Variants in ZFC3H1 observed in about 807,000 individuals in gnomAD.
The protein encoded by ZFC3H1 is zinc finger C3H1 domain-containing protein.
Under a neutral mutation model 243.7 loss-of-function variants are expected in ZFC3H1, and 71 were observed. That is an observed-to-expected ratio of 0.29 (90% CI 0.24 to 0.36). The LOEUF is 0.36. ZFC3H1 is among the 10% of genes least tolerant of loss of function. ZFC3H1 has a pLI of 1.00. For synonymous variants in ZFC3H1, 838 were observed against 813.0 expected (o/e 1.03, Z -0.52); for missense variants, 1,966 against 2,317.1 (o/e 0.85, Z 3.11).
chr12:71,642,037 A>T (rs1880613653), intron 6 of ZFC3H1, among the ~76,000 whole-genome samples: 1 of 152,108 alleles, frequency 6.6e-6, no homozygotes, highest in Non-Finnish European at 1.5e-5. Context: ...TTTAGTAGAG[A>T]CAGGGTTTCG....
intron 27 of ZFC3H1, among the ~76,000 whole-genome samples, chr12:71,615,941 G>A (rs1396999509): frequency 2.6e-5 from 4 of 152,086 alleles, no homozygotes; most frequent in African/African-American, 9.7e-5. Context: ...AAGAACAAAT[G>A]AGTCTACCAA....
rs977875711 is a variant in ZFC3H1, at chr12:71,663,339, T to A, written c.272A>T (p.His91Leu). 8 of 1,613,140 alleles carry A rather than the reference T, an allele frequency of 5.0e-6. No homozygotes were observed. The highest frequency in any genetic ancestry group is 1.7e-5 in the Admixed American group (1 of 60,020). ...QQLRNFSRSR[H>L]ASERGHLRGP... ...CCTGAGGTGGCCCCGCTCAGACGCG[T>A]GCCGCGAGCGTGAGAAATTCCTCAG... is the stretch of plus-strand genomic sequence containing the variant. The change falls in exon 1 of 35, where the codon CAC (histidine) becomes CTC (leucine). Residue 91 changes from histidine to leucine, a missense_variant. His to Leu is a moderately conservative substitution (Grantham distance 99). Around this residue, in one of 4 missense-constraint regions of ZFC3H1, gnomAD observed 484 missense variants for 449.7 expected, o/e 1.08. Transcript: ENST00000378743.
chr12:71,636,742 C>G, intron 8 of ZFC3H1, 88 bp from the exon 9 acceptor site: 4 of 1,552,912 alleles, frequency 2.6e-6, no homozygotes, highest in Non-Finnish European at 2.6e-6. Context: ...TTAGAATTAT[C>G]CCCACTTTGC....
At chr12:71,650,502 G>C (rs55881839) in intron 2 of ZFC3H1, among the ~76,000 whole-genome samples, 3,387 of 152,098 alleles carry the variant, frequency 0.022, 149 homozygotes, top group African/African-American at 0.076. Flanking sequence ...CCAACTGAAA[G>C]TCTAATGTGA....
intron 12 of ZFC3H1, 33 bp downstream of exon 12, chr12:71,634,122 A>AAC: frequency 6.3e-7 from 1 of 1,588,918 alleles, no homozygotes; most frequent in South Asian, 1.1e-5. Context: ...CTACCACAGG[A>AAC]ACAATTAGAT....
intron 1 of ZFC3H1, among the ~76,000 whole-genome samples, chr12:71,662,491 T>TA (rs1369207248): frequency 2.9e-5 from 4 of 140,000 alleles, no homozygotes; most frequent in African/African-American, 7.8e-5. Context: ...GTTTTTTTTT[T>TA]ACCCCTCCCC....
At chr12:71,633,936 G>T (rs979777999) in intron 12 of ZFC3H1, among the ~76,000 whole-genome samples, 1 of 152,148 alleles carries the variant, frequency 6.6e-6, no homozygotes, top group African/African-American at 2.4e-5. Flanking sequence ...ATGATTATAG[G>T]CGTGAGCCAC....
At chr12:71,621,454 C>A (rs2137522280) in intron 24 of ZFC3H1, among the ~76,000 whole-genome samples, 1 of 152,220 alleles carries the variant, frequency 6.6e-6, no homozygotes, top group South Asian at 2.1e-4. Context: ...CAGGCACACA[C>A]CACCATGCCC....
At chr12:71,610,657 G>A in intron 34 of ZFC3H1, 38 bp downstream of exon 34, 1 of 1,612,042 alleles carries the variant, frequency 6.2e-7, no homozygotes, top group Non-Finnish European at 8.5e-7. Flanking sequence ...AAATTTACAG[G>A]AAAACATCGA....
At chr12:71,638,558 TTCA>T in intron 6 of ZFC3H1, 43 bp from the exon 7 acceptor site, 1 of 1,431,530 alleles carries the variant, frequency 7.0e-7, no homozygotes, top group African/African-American at 1.4e-5. Flanking sequence ...ACAGAAATAC[TTCA>T]TCAGGAATAT....
At chr12:71,660,461 A>G (rs2137567646) in intron 1 of ZFC3H1, 1 of 152,274 alleles carries the variant, frequency 6.6e-6, no homozygotes, top group South Asian at 2.1e-4. Context: ...TATCTTATTT[A>G]TGACAAGTTA....
intron 9 of ZFC3H1, 65 bp downstream of exon 9, chr12:71,636,425 G>A (rs1880462814): frequency 1.0e-5 from 15 of 1,502,122 alleles, no homozygotes; most frequent in South Asian, 8.1e-5. Flanking sequence ...AAACAGGACA[G>A]CTAAACTTCA....
At chr12:71,624,010 G>A in intron 23 of ZFC3H1, 94 bp downstream of exon 23, 3 of 1,256,104 alleles carry the variant, frequency 2.4e-6, no homozygotes, top group Non-Finnish European at 3.3e-6. Flanking sequence ...TCCAAATCTT[G>A]TGCTTTCAAC....
intron 30 of ZFC3H1, among the ~76,000 whole-genome samples, chr12:71,614,246 G>A (rs994997569): frequency 3.3e-5 from 5 of 151,548 alleles, no homozygotes; most frequent in South Asian, 2.1e-4. Context: ...TTCATTTGAC[G>A]TGTTTTTTCA....
chr12:71,649,560 C>A (rs1880826747), intron 2 of ZFC3H1, among the ~76,000 whole-genome samples: 1 of 152,028 alleles, frequency 6.6e-6, no homozygotes, highest in Non-Finnish European at 1.5e-5. Context: ...TTCCTCTAAC[C>A]CCATTTTCTC....
chr12:71,644,928 T>C lies in ZFC3H1; in HGVS notation c.1228A>G (p.Lys410Glu). The C allele has an allele frequency of 1.2e-6, 2 of 1,612,692 alleles. No individual in the cohort carries two copies. Among genetic ancestry groups the C allele is most frequent in the Non-Finnish European group, 1.7e-6 (2 of 1,180,022 alleles). Residue 410 changes from lysine (K) to glutamate (E), a missense_variant, in exon 4 of 35, where the codon AAA becomes GAA. Lys to Glu is a moderately conservative substitution (Grantham distance 56). This residue lies in a region of ZFC3H1 where 91 missense variants were observed against 107.6 expected (regional missense o/e 0.85). Coordinates refer to ENST00000378743, the MANE Select transcript of ZFC3H1 (RefSeq NM_144982.5). ...KLTKTKTVQQKVKTSTKTHSA... is the reference protein window; with the variant it reads ...KLTKTKTVQQEVKTSTKTHSA... ...TGTGTTTTTGTACTTGTTTTAACTT[T>C]TTGCTGTACAGTTTTCGTCTTAGTC...
At chr12:71,636,722 C>A in intron 8 of ZFC3H1, 68 bp from the exon 9 acceptor site, 2 of 1,559,308 alleles carry the variant, frequency 1.3e-6, no homozygotes, top group Non-Finnish European at 1.7e-6. Context: ...CTTTAAAAAT[C>A]TTGAGCATGT....
rs1487185833 is a variant in ZFC3H1 at position 71,632,024 on chromosome 12, T to C, written c.3308A>G (p.Gln1103Arg). The change falls in exon 15 of 35, where the codon CAG (glutamine) becomes CGG (arginine). Residue 1103 changes from glutamine (Q) to arginine (R), a missense_variant. By Grantham distance (43) the Gln-to-Arg change is conservative. Coordinates refer to ENST00000378743, the MANE Select transcript of ZFC3H1 (RefSeq NM_144982.5). ...KLYSKADSLK[Q>R]LILKTTTGIT... ...GCCTGTGGTGGTTTTTAAAATCAGC[T>C]GTTTTAGGCTGTCAGCTTTTGAATA... 1 of 1,601,508 alleles carries C rather than the reference T, an allele frequency of 6.2e-7. No individual in the cohort carries two copies. Among genetic ancestry groups the C allele is most frequent in the South Asian group, 1.1e-5 (1 of 89,184 alleles).
At chr12:71,654,851 TGAAA>T (rs1417820364) in intron 2 of ZFC3H1, among the ~76,000 whole-genome samples, 2 of 152,118 alleles carry the variant, frequency 1.3e-5, no homozygotes, top group Non-Finnish European at 2.9e-5. Flanking sequence ...ACAGAAAGAC[TGAAA>T]GAGTGGGAAA....
Sources: gnomAD v4.1 joint callset for allele counts (sites outside exome capture counted in the v4.1 genomes callset) on GRCh38, gnomAD v4.1.1 for gene constraint, gnomAD v4.1.1 regional missense constraint, MANE v1.5 for transcripts, NCBI Gene and HGNC (gene_info 2026-07-23, HGNC 2026-07-21) for gene names.